The following MPRIP variants were observed in gnomAD, a reference collection of about 807,000 sequenced individuals.
MPRIP encodes the protein myosin phosphatase Rho interacting protein.
In MPRIP, 59 loss-of-function variants were observed where a neutral mutation model predicts 234.9. The observed-to-expected ratio is 0.25, with a 90% CI of 0.20 to 0.31. The LOEUF is 0.31. Among genes scored for constraint, MPRIP ranks in the 10% least tolerant of loss-of-function variants. MPRIP has a pLI of 1.00. For missense variants in MPRIP, 2,436 were observed against 3,071.0 expected (o/e 0.79, Z 4.89); for synonymous variants, 1,144 against 1,263.9 (o/e 0.91, Z 2.01).
At chr17:17,055,989 A>G (rs796136069) in intron 1 of MPRIP, among the ~76,000 whole-genome samples, 5 of 152,280 alleles carry the variant, frequency 3.3e-5, no homozygotes, top group South Asian at 2.1e-4. Context: ...TCTGGTGGCA[A>G]AGCCGGGAGG....
chr17:17,042,779 A>G lies in MPRIP; in HGVS notation c.-70A>G. On this transcript the variant is annotated 5_prime_UTR_variant, in exon 1 of 24. Coordinates refer to ENST00000651222, the MANE Select transcript of MPRIP (RefSeq NM_001364716.4). ...TGCGGCGCGGCCGCGCTGAGCCCCT[A>G]GCCCGCCGGGAGCGCCAGGCCGGCC... The G allele has an allele frequency of 9.9e-7, 1 of 1,015,200 alleles. No individual in the cohort carries two copies. Among genetic ancestry groups the G allele is most frequent in the African/African-American group, 1.8e-5 (1 of 56,978 alleles). 62.9% of individuals were successfully genotyped at this position (1,015,200 alleles called of 1,614,324 possible). A position where few individuals can be genotyped will look rare whatever the true frequency, so the allele number is the denominator to read the frequency against.
intron 3 of MPRIP, among the ~76,000 whole-genome samples, chr17:17,093,516 C>T (rs2089768353): frequency 6.6e-6 from 1 of 152,126 alleles, no homozygotes; most frequent in African/African-American, 2.4e-5. Context: ...AAGATTTACC[C>T]ATTTCTCTCC....
Position 17,131,647 on chromosome 17 carries a change from G to A in MPRIP, c.450G>A (p.Arg150=). ...GWLEMLMVYP[R]TNKQNQKKKR... ...TGGAGATGCTCATGGTCTATCCCCGGACCAACAAGCAGAATCAGAAGAAGA... is the reference window on the plus strand; with the variant it reads ...TGGAGATGCTCATGGTCTATCCCCGAACCAACAAGCAGAATCAGAAGAAGA... The change falls in exon 5 of 24, where the codon CGG becomes CGA. Residue 150 remains arginine, a synonymous_variant. Coordinates refer to ENST00000651222, the MANE Select transcript of MPRIP (RefSeq NM_001364716.4). The A allele has an allele frequency of 6.2e-7, 1 of 1,614,126 alleles. No homozygotes were observed. Among genetic ancestry groups the A allele is most frequent in the Non-Finnish European group, 8.5e-7 (1 of 1,180,006 alleles).
chr17:17,113,890 T>TTC (rs2144306284), intron 3 of MPRIP, among the ~76,000 whole-genome samples: 1 of 143,610 alleles, frequency 7.0e-6, no homozygotes, highest in African/African-American at 2.6e-5. Flanking sequence ...CTTTTCTTTT[T>TTC]TTTTTTTTTT....
Position 17,166,093 on chromosome 17 carries a change from G to A in MPRIP, c.4502G>A (p.Arg1501His), listed in dbSNP as rs1597493747. ...AGCCAGGAGGATGAGCAGGACGCAC[G>A]CGCAGCCTCCCTGGCCAGTGTGGAG... Reference protein sequence around the residue: ...RASQEDEQDARAASLASVESA... With the variant: ...RASQEDEQDAHAASLASVESA... The change falls in exon 16 of 24, where the codon CGC becomes CAC. Residue 1501 changes from arginine (R) to histidine (H), a missense_variant. Physicochemically the swap from Arg to His is conservative, Grantham distance 29. This residue lies in a region of MPRIP where 1,998 missense variants were observed against 2,520.3 expected (regional missense o/e 0.79). Transcript: ENST00000651222. The surrounding 1 kb of genome is among the most constrained non-coding windows in gnomAD (Gnocchi z 4.4). 2.3e-6 allele frequency: 3 copies of A among 1,299,162 alleles called. No homozygotes were observed. The highest frequency in any genetic ancestry group is 1.2e-5 in the South Asian group (1 of 80,586). The allele number at this position is 1,299,162 out of a possible 1,614,324, so 80.5% of individuals were successfully genotyped here.
chr17:17,091,664 C>G (rs975930451), intron 3 of MPRIP, among the ~76,000 whole-genome samples: 1 of 152,162 alleles, frequency 6.6e-6, no homozygotes, highest in Non-Finnish European at 1.5e-5. Context: ...GCGGTCCTCC[C>G]GGCCCTGCTT....
In MPRIP at chr17:17,066,723, C is replaced by CTTTTTTT. The variant is rs34804730; in HGVS notation, c.124-8947_124-8941dup. ...TCAAACCCACAGATACTTTTTTCAT[C>CTTTTTTT]TTTTTTTTTTTTTTTTTTTTTTTTT... On this transcript the variant is annotated intron_variant, in intron 1 of 23. Transcript: ENST00000651222. 2.7e-4 allele frequency among the ~76,000 whole-genome samples: 10 copies of CTTTTTTT among 36,688 alleles called. 4 individuals carry two copies. Among genetic ancestry groups the CTTTTTTT allele is most frequent in the Non-Finnish European group, 4.8e-4 (8 of 16,614 alleles). 24.1% of individuals were successfully genotyped at this position (36,688 alleles called of 152,430 possible).
chr17:17,043,343 G>A (rs559052761), intron 1 of MPRIP, among the ~76,000 whole-genome samples: 1 of 152,178 alleles, frequency 6.6e-6, no homozygotes, highest in Admixed American at 6.5e-5. Flanking sequence ...GTGGCCCAGG[G>A]GTCGGATTGT....
intron 1 of MPRIP, among the ~76,000 whole-genome samples, chr17:17,067,647 A>G (rs541029827): frequency 1.3e-5 from 2 of 152,354 alleles, no homozygotes; most frequent in African/African-American, 2.4e-5. Context: ...CTGTGTATTA[A>G]TGAGGAATAT....
intron 3 of MPRIP, among the ~76,000 whole-genome samples, chr17:17,109,506 C>T (rs1013587943): frequency 3.9e-5 from 6 of 152,198 alleles, no homozygotes. Flanking sequence ...CTAGACTGAT[C>T]CACGGAGGTG....
In MPRIP at chr17:17,158,545, G is replaced by T; in HGVS notation, c.1943G>T (p.Arg648Leu). Residue 648 changes from arginine (R) to leucine (L), a missense_variant, in exon 14 of 24, where the codon CGC becomes CTC. Physicochemically the swap from Arg to Leu is moderately radical, Grantham distance 102. This residue lies in a region of MPRIP where 1,998 missense variants were observed against 2,520.3 expected (regional missense o/e 0.79). Coordinates refer to ENST00000651222, the MANE Select transcript of MPRIP (RefSeq NM_001364716.4). ...CCGGACCCTGAGCAGAAGAGGAGCC[G>T]CGCACGGGAGCGGAGGCGAGAGGGC... ...GEPDPEQKRS[R>L]ARERRREGRS... 1.2e-6 allele frequency: 2 copies of T among 1,611,768 alleles called. No homozygotes were observed. The highest frequency in any genetic ancestry group is 1.7e-6 in the Non-Finnish European group (2 of 1,179,886).
At chr17:17,168,481 C>G in intron 16 of MPRIP, 1 of 281,438 alleles carries the variant, frequency 3.6e-6, no homozygotes, top group Non-Finnish European at 6.9e-6. Flanking sequence ...CCACGGAGCA[C>G]AGCCTCCAGC....
At chr17:17,123,293 T>A (rs1272599084) in intron 3 of MPRIP, among the ~76,000 whole-genome samples, 7 of 152,158 alleles carry the variant, frequency 4.6e-5, no homozygotes, top group Non-Finnish European at 1.0e-4. Context: ...TCTGTGAACA[T>A]GATGCTAAAA....
intron 10 of MPRIP, 129 bp downstream of exon 10, chr17:17,146,221 AC>A: frequency 2.5e-6 from 2 of 809,200 alleles, no homozygotes; most frequent in Non-Finnish European, 2.0e-6. Context: ...TGTCTTCATG[AC>A]CAGGGCTGTG....
intron 3 of MPRIP, among the ~76,000 whole-genome samples, chr17:17,102,712 G>T (rs1288879728): frequency 6.6e-6 from 1 of 152,172 alleles, no homozygotes; most frequent in Non-Finnish European, 1.5e-5. Context: ...GGCCCAGGTG[G>T]CATCTGCTGG....
At chr17:17,086,211 A>C (rs529409647) in intron 3 of MPRIP, among the ~76,000 whole-genome samples, 1 of 152,308 alleles carries the variant, frequency 6.6e-6, no homozygotes, top group African/African-American at 2.4e-5. Flanking sequence ...TCCGGAGCAC[A>C]GTCCATTGGC....
intron 1 of MPRIP, among the ~76,000 whole-genome samples, chr17:17,069,413 A>T (rs190453970): frequency 6.6e-6 from 1 of 151,480 alleles, no homozygotes; most frequent in Non-Finnish European, 1.5e-5. Flanking sequence ...GATCATTTAC[A>T]TTTAAAATAT....
chr17:17,105,695 G>A (rs2090050219), intron 3 of MPRIP, among the ~76,000 whole-genome samples: 1 of 152,166 alleles, frequency 6.6e-6, no homozygotes, highest in African/African-American at 2.4e-5. Context: ...TTCAGTGAGG[G>A]CTGTTCCCTG....
intron 3 of MPRIP, among the ~76,000 whole-genome samples, chr17:17,091,558 G>C (rs2089718352): frequency 6.6e-6 from 1 of 152,226 alleles, no homozygotes; most frequent in Non-Finnish European, 1.5e-5. Context: ...GGGCTGAATG[G>C]AATGTGTTGT....
Sources: allele counts gnomAD v4.1 joint callset (sites outside exome capture counted in the v4.1 genomes callset), GRCh38; gene constraint gnomAD v4.1.1; regional missense constraint gnomAD v4.1.1; non-coding constraint Gnocchi (gnomAD v3.1); transcripts MANE v1.5; gene names NCBI Gene and HGNC (gene_info 2026-07-23, HGNC 2026-07-21).